The following FOXP2 variants were observed in gnomAD, a reference collection of about 807,000 sequenced individuals.
FOXP2 encodes forkhead box protein P2.
Under a neutral mutation model 115.8 loss-of-function variants are expected in FOXP2, and 12 were observed. The observed-to-expected ratio is 0.10, with a 90% CI of 0.07 to 0.17. FOXP2 has a LOEUF of 0.17. Ranked by LOEUF, FOXP2 falls within the 10% of genes least tolerant of loss-of-function variation. The pLI is 1.00. For missense variants in FOXP2, 629 were observed against 843.5 expected (o/e 0.75, Z 3.15); for synonymous variants, 328 against 297.7 (o/e 1.10, Z -1.05).
intron 4 of FOXP2, chr7:114,628,946 G>A: frequency 2.4e-6 from 1 of 409,678 alleles, no homozygotes; most frequent in Non-Finnish European, 4.5e-6. Flanking sequence ...ATATTCAAAT[G>A]CTTAGGTACA....
At chr7:114,127,647 C>T (rs1475305130) in intron 1 of FOXP2, among the ~76,000 whole-genome samples, 4 of 152,106 alleles carry the variant, frequency 2.6e-5, no homozygotes, top group East Asian at 3.9e-4. Context: ...AAGGTAGAAA[C>T]ATGAAAAGAA....
chr7:114,635,688 A>G (rs1805179417), intron 6 of FOXP2, among the ~76,000 whole-genome samples: 1 of 152,172 alleles, frequency 6.6e-6, no homozygotes, highest in South Asian at 2.1e-4. Flanking sequence ...TATTTTGTGA[A>G]CTAGAATGTA....
intron 2 of FOXP2, among the ~76,000 whole-genome samples, chr7:114,308,244 T>G (rs551704521): frequency 6.6e-6 from 1 of 152,150 alleles, no homozygotes; most frequent in East Asian, 1.9e-4. Context: ...TTGGTCCTCA[T>G]AGGCCACTGG....
At chr7:114,096,821 A>G (rs1799663339) in intron 1 of FOXP2, among the ~76,000 whole-genome samples, 1 of 152,194 alleles carries the variant, frequency 6.6e-6, no homozygotes, top group Non-Finnish European at 1.5e-5. Context: ...GTAATACAAA[A>G]TTTTAATGTT....
At chr7:114,364,106 C>G (rs573401239) in intron 2 of FOXP2, among the ~76,000 whole-genome samples, 4 of 152,220 alleles carry the variant, frequency 2.6e-5, no homozygotes, top group African/African-American at 9.6e-5. Flanking sequence ...CAATTCTATA[C>G]TAGTTTCATT....
chr7:114,664,561 T>A, intron 16 of FOXP2, 125 bp downstream of exon 16: 1 of 1,126,978 alleles, frequency 8.9e-7, no homozygotes, highest in Non-Finnish European at 1.3e-6. Flanking sequence ...GGAGTTAAAT[T>A]ATACCACGTT....
At chr7:114,644,562 T>C (rs1421425147) in intron 7 of FOXP2, 123 bp from the exon 8 acceptor site, 4 of 755,620 alleles carry the variant, frequency 5.3e-6, no homozygotes, top group Middle Eastern at 3.5e-4. Context: ...TTTTTCTGAC[T>C]GCTCTGAGCT....
intron 3 of FOXP2, among the ~76,000 whole-genome samples, chr7:114,625,443 A>C (rs1161328803): frequency 6.6e-6 from 1 of 151,880 alleles, no homozygotes; most frequent in African/African-American, 2.4e-5. Flanking sequence ...GCTAAGGTAT[A>C]TGTATTTCAA....
chr7:114,146,909 T>C (rs544674881), intron 1 of FOXP2, among the ~76,000 whole-genome samples: 1 of 152,184 alleles, frequency 6.6e-6, no homozygotes, highest in Non-Finnish European at 1.5e-5. Context: ...AGCTTCATCC[T>C]AACCATTTCT....
At chr7:114,298,450 TAAC>T (rs1796796983) in intron 2 of FOXP2, among the ~76,000 whole-genome samples, 1 of 152,328 alleles carries the variant, frequency 6.6e-6, no homozygotes, top group African/African-American at 2.4e-5. Context: ...ATAATAGTAA[TAAC>T]AATAATAATA....
rs532482687 is a variant in FOXP2, at chr7:114,343,129, A to G, written c.-11+55020A>G. 6.6e-5 allele frequency among the ~76,000 whole-genome samples: 10 copies of G among 151,646 alleles called. No individual in the cohort carries two copies. In the South Asian group the frequency reaches 1.0e-3, roughly 16 times the overall value. ...TATTGTCTGTATGAATGCCATTTGT[A>G]TAATACTTCATGGTTTACAAACACT... On this transcript the variant is annotated intron_variant, in intron 2 of 17. Coordinates refer to the FOXP2 transcript ENST00000634411.
intron 1 of FOXP2, among the ~76,000 whole-genome samples, chr7:114,230,589 T>C (rs1158158073): frequency 1.3e-5 from 2 of 152,024 alleles, no homozygotes; most frequent in Admixed American, 6.6e-5. Flanking sequence ...ATAAATGTGA[T>C]ATAACACATT....
rs1554414686 is a variant in FOXP2 at position 114,102,696 on chromosome 7, C to CCACATACA, written c.-247+14862_-247+14863insTACACACA. 1.9e-3 allele frequency among the ~76,000 whole-genome samples: 255 copies of CCACATACA among 136,470 alleles called. 2 individuals are homozygous for CCACATACA. Among genetic ancestry groups the CCACATACA allele is most frequent in the Middle Eastern group, 3.8e-3 (1 of 264 alleles). 89.5% of individuals were successfully genotyped at this position (136,470 alleles called of 152,430 possible). ...GCTACACACATACAAACACCACACA[C>CCACATACA]CACACACACACACACACACACACAC... On this transcript the variant is annotated intron_variant, in intron 1 of 19. Transcript: ENST00000635638.
intron 2 of FOXP2, among the ~76,000 whole-genome samples, chr7:114,373,355 G>A (rs1209840075): frequency 6.6e-6 from 1 of 152,090 alleles, no homozygotes; most frequent in African/African-American, 2.4e-5. Context: ...AAAAATCTGA[G>A]CTACAGAGCA....
In FOXP2 at chr7:114,658,137, C is replaced by G; in HGVS notation, c.1338C>G (p.Thr446=). The G allele has an allele frequency of 6.2e-7, 1 of 1,613,910 alleles. No individual in the cohort carries two copies. Among genetic ancestry groups the G allele is most frequent in the Non-Finnish European group, 8.5e-7 (1 of 1,179,880 alleles). The change falls in exon 11 of 17, where the codon ACC becomes ACG. Residue 446 remains threonine, a synonymous_variant. Coordinates refer to ENST00000350908, the MANE Select transcript of FOXP2 (RefSeq NM_014491.4). The part of the protein sequence containing the change: ...LETSPQSLPQ[T]PTTPTAPVTP... ...CATCCCCACAGAGCTTACCTCAAACCCCTACCACACCAACGGCCCCAGTCA... is the reference window on the plus strand; with the variant it reads ...CATCCCCACAGAGCTTACCTCAAACGCCTACCACACCAACGGCCCCAGTCA...
chr7:114,542,037 T>A lies in FOXP2; in HGVS notation c.258+7331T>A, dbSNP rs557498231. On this transcript the variant is annotated intron_variant, in intron 3 of 16. Coordinates refer to ENST00000350908, the MANE Select transcript of FOXP2 (RefSeq NM_014491.4). ...ACAAAAAGTAAAATTATTTTGAAAT[T>A]TACTTACATTTAAGATTATTTGTGT... Among the ~76,000 whole-genome samples, 5 of 152,190 alleles carry A rather than the reference T, an allele frequency of 3.3e-5. No homozygotes were observed. The South Asian group carries it at 1.0e-3, about 32-fold the overall frequency.
At chr7:114,102,479 A>G (rs955321379) in intron 1 of FOXP2, among the ~76,000 whole-genome samples, 1 of 152,012 alleles carries the variant, frequency 6.6e-6, no homozygotes, top group Non-Finnish European at 1.5e-5. Flanking sequence ...ACCTAAATGA[A>G]TGACTGTGCC....
Position 114,569,394 on chromosome 7 carries a change from A to G in FOXP2, c.258+34688A>G, listed in dbSNP as rs1039145050. Among the ~76,000 whole-genome samples, 3 of 151,994 alleles carry G rather than the reference A, an allele frequency of 2.0e-5. No homozygotes were observed. The East Asian group carries it at 5.8e-4, about 29-fold the overall frequency. ...CTCCTCTTAGCTAATTAGTGCTATCAAGGAACAGTAGGTTACCTCATTAGT... is the reference window on the plus strand; with the variant it reads ...CTCCTCTTAGCTAATTAGTGCTATCGAGGAACAGTAGGTTACCTCATTAGT... On this transcript the variant is annotated intron_variant, in intron 3 of 16. Transcript: ENST00000350908.
intron 2 of FOXP2, among the ~76,000 whole-genome samples, chr7:114,497,674 TA>T (rs1797381740): frequency 6.0e-5 from 7 of 117,172 alleles, no homozygotes; most frequent in Admixed American, 5.6e-4. Context: ...AGTAAATAAA[TA>T]AATAAATAAA....
Sources: allele counts gnomAD v4.1 joint callset (sites outside exome capture counted in the v4.1 genomes callset), GRCh38; gene constraint gnomAD v4.1.1; transcripts MANE v1.5; gene names NCBI Gene and HGNC (gene_info 2026-07-23, HGNC 2026-07-21).